Variants in ZNF544 observed in about 807,000 individuals in gnomAD.
The protein encoded by ZNF544 is zinc finger protein AF020591.
Under a neutral mutation model 13.5 loss-of-function variants are expected in ZNF544, and 10 were observed. The observed-to-expected ratio is 0.74, with a 90% CI of 0.46 to 1.25. ZNF544 has a LOEUF of 1.25. ZNF544 is among the 50% of genes most tolerant of loss of function. The pLI is 0.00. For missense variants in ZNF544, 896 were observed against 845.6 expected (o/e 1.06, Z -0.74); for synonymous variants, 323 against 300.5 (o/e 1.07, Z -0.77).
At chr19:58,240,870 T>C (rs192536785) in intron 3 of ZNF544, among the ~76,000 whole-genome samples, 146 of 152,084 alleles carry the variant, frequency 9.6e-4, no homozygotes, top group African/African-American at 3.4e-3. Flanking sequence ...TCCAGTATCA[T>C]GGAATGATGG....
intron 6 of ZNF544, among the ~76,000 whole-genome samples, chr19:58,255,377 C>T (rs2047071523): frequency 6.6e-6 from 1 of 152,084 alleles, no homozygotes; most frequent in Non-Finnish European, 1.5e-5. Flanking sequence ...TGTGGTTTCA[C>T]CATGTTGGCC....
chr19:58,272,023 G>T (rs562006167), intron 5 of ZNF544, among the ~76,000 whole-genome samples: 2 of 152,194 alleles, frequency 1.3e-5, no homozygotes, highest in East Asian at 3.9e-4. Flanking sequence ...TTATCTGGGC[G>T]TGGTGGTGGG....
chr19:58,230,210 T>A (rs1426532600), intron 2 of ZNF544, 184 bp from the exon 3 acceptor site: 5 of 152,284 alleles, frequency 3.3e-5, no homozygotes, highest in African/African-American at 1.2e-4. Context: ...GAGGGACTTC[T>A]GCCAGATCAG....
intron 5 of ZNF544, among the ~76,000 whole-genome samples, chr19:58,269,919 T>C (rs1238992354): frequency 2.6e-5 from 4 of 152,018 alleles, no homozygotes; most frequent in Non-Finnish European, 4.4e-5. Flanking sequence ...AGACTCTGTC[T>C]CAAAACAGAG....
chr19:58,273,784 A>G (rs893097417), intron 5 of ZNF544, among the ~76,000 whole-genome samples: 1 of 150,972 alleles, frequency 6.6e-6, no homozygotes, highest in Non-Finnish European at 1.5e-5. Context: ...TGAAGACCCT[A>G]AACAGTTTTT....
At position 58,272,011 on chromosome 19, in the gene ZNF544, A is replaced by T. The variant is rs2050692035; in HGVS notation, c.245-4312A>T. On this transcript the variant is annotated intron_variant, in intron 5 of 6. Coordinates refer to the ZNF544 transcript ENST00000595981. ...ACCCTGTCCCCACTAAAAATGCAAAAATTATCTGGGCGTGGTGGTGGGTGC... is the reference window on the plus strand; with the variant it reads ...ACCCTGTCCCCACTAAAAATGCAAATATTATCTGGGCGTGGTGGTGGGTGC... 2.0e-5 allele frequency among the ~76,000 whole-genome samples: 3 copies of T among 151,806 alleles called. No individual in the cohort carries two copies. The South Asian group carries it at 6.2e-4, about 32-fold the overall frequency.
downstream of ZNF544, among the ~76,000 whole-genome samples, chr19:58,266,273 C>G (rs1177337051): frequency 2.7e-5 from 4 of 146,444 alleles, no homozygotes; most frequent in African/African-American, 1.0e-4. Context: ...GATCCCGACA[C>G]TTTGGGAGGC....
intron 3 of ZNF544, among the ~76,000 whole-genome samples, chr19:58,241,247 A>C (rs2043784487): frequency 8.7e-6 from 1 of 115,208 alleles, no homozygotes. Context: ...CCTGGGCTCA[A>C]ACGATGCTTC....
chr19:58,268,830 C>T (rs115598021), downstream of ZNF544, among the ~76,000 whole-genome samples: 1,561 of 152,300 alleles, frequency 0.01, 35 homozygotes, highest in African/African-American at 0.036. Context: ...GGACATAGAA[C>T]GTACTACGTG....
At position 58,262,086 on chromosome 19, in the gene ZNF544, T is replaced by C. The variant is rs746597933; in HGVS notation, c.1480T>C (p.Cys494Arg). 1.2e-6 allele frequency: 2 copies of C among 1,610,598 alleles called. No homozygotes were observed. The highest frequency in any genetic ancestry group is 2.2e-5 in the East Asian group (1 of 44,722). ...GCACACTGGAGAAAAACCCTTCAAA[T>C]GTACTCAGTGTGGGAAATCTTTCAG... ...RTHTGEKPFKCTQCGKSFSQK... is the reference protein window; with the variant it reads ...RTHTGEKPFKRTQCGKSFSQK... The change falls in exon 7 of 7, where the codon TGT becomes CGT. Residue 494 changes from cysteine (C) to arginine (R), a missense_variant. Physicochemically the swap from Cys to Arg is radical, Grantham distance 180. Coordinates refer to ENST00000687789, the MANE Select transcript of ZNF544 (RefSeq NM_014480.4).
downstream of ZNF544, among the ~76,000 whole-genome samples, chr19:58,265,006 CTG>C (rs2147776415): frequency 6.6e-6 from 1 of 152,300 alleles, no homozygotes; most frequent in East Asian, 1.9e-4. Flanking sequence ...CAGAGCAACA[CTG>C]TGTCTCCAAA....
In ZNF544 at chr19:58,261,946, G is replaced by A. The variant is rs1489484607; in HGVS notation, c.1340G>A (p.Trp447Ter). The change falls in exon 7 of 7, where the codon TGG becomes TAG. Residue 447 changes from tryptophan (W) to a stop codon, truncating the protein, a stop_gained. Coordinates refer to ENST00000687789, the MANE Select transcript of ZNF544 (RefSeq NM_014480.4). LOFTEE classifies it low-confidence loss of function (END_TRUNC). ...ATTGAATGCAGAAAATCCTTCAGGT[G>A]GAACTCTAACCTCATTGTACATCAG... Reference protein sequence around the residue: ...QCIECRKSFRWNSNLIVHQRI... With the variant: ...QCIECRKSFR 35 of 1,613,388 alleles carry A rather than the reference G, an allele frequency of 2.2e-5. No individual in the cohort carries two copies. The highest frequency in any genetic ancestry group is 2.7e-5 in the Non-Finnish European group (32 of 1,179,946).
At chr19:58,233,141 G>A (rs1343090997) in intron 3 of ZNF544, among the ~76,000 whole-genome samples, 2 of 152,108 alleles carry the variant, frequency 1.3e-5, no homozygotes, top group Middle Eastern at 3.4e-3. Flanking sequence ...TTGTAAAAGC[G>A]TCAGATCTCG....
Position 58,261,710 on chromosome 19 carries a change from C to T in ZNF544, c.1104C>T (p.Leu368=), listed in dbSNP as rs2048989990. 1 of 1,614,090 alleles carries T rather than the reference C, an allele frequency of 6.2e-7. No individual in the cohort carries two copies. Among genetic ancestry groups the T allele is most frequent in the Non-Finnish European group, 8.5e-7 (1 of 1,180,048 alleles). Residue 368 remains leucine (L), a synonymous_variant, in exon 7 of 7, where the codon CTC becomes CTT. Transcript: ENST00000687789. ...QCGKSFSCCK[L]IHQRTHTGEK... ...GAAAATCTTTCAGCTGTTGTAAGCTCATACACCAGAGAACACACACTGGAG... is the reference window on the plus strand; with the variant it reads ...GAAAATCTTTCAGCTGTTGTAAGCTTATACACCAGAGAACACACACTGGAG...
downstream of ZNF544, among the ~76,000 whole-genome samples, chr19:58,265,547 G>A (rs1376789935): frequency 2.0e-5 from 3 of 151,980 alleles, no homozygotes; most frequent in South Asian, 2.1e-4. Flanking sequence ...CGCCCACCTC[G>A]GCCTCCCAAA....
chr19:58,270,933 T>C (rs1021726140), intron 5 of ZNF544, among the ~76,000 whole-genome samples: 2 of 152,160 alleles, frequency 1.3e-5, no homozygotes, highest in African/African-American at 2.4e-5. Context: ...GATGATTGGC[T>C]GGATGCGGTG....
At chr19:58,252,756 GAGA>G (rs2046491659) in intron 6 of ZNF544, among the ~76,000 whole-genome samples, 1 of 152,176 alleles carries the variant, frequency 6.6e-6, no homozygotes, top group African/African-American at 2.4e-5. Context: ...TTTTATAGAT[GAGA>G]AGAATTCCAC....
intron 4 of ZNF544, 44 bp downstream of exon 4, chr19:58,244,100 T>C (rs1045718154): frequency 6.4e-7 from 1 of 1,561,742 alleles, no homozygotes; most frequent in Non-Finnish European, 8.8e-7. Context: ...TCTCCATAGA[T>C]GTAAAATGGG....
intron 3 of ZNF544, among the ~76,000 whole-genome samples, chr19:58,243,429 G>A (rs2044346427): frequency 6.6e-6 from 1 of 150,860 alleles, no homozygotes; most frequent in African/African-American, 2.4e-5. Context: ...AAGATATGAA[G>A]GGTTTGGTGA....
Sources: allele counts gnomAD v4.1 joint callset (sites outside exome capture counted in the v4.1 genomes callset), GRCh38; gene constraint gnomAD v4.1.1; transcripts MANE v1.5; gene names NCBI Gene and HGNC (gene_info 2026-07-23, HGNC 2026-07-21).